The following NFATC2 variants were observed in gnomAD, a reference collection of about 807,000 sequenced individuals.
The protein encoded by NFATC2 is nuclear factor of activated T-cells, cytoplasmic 2.
NFATC2 carries 22 observed loss-of-function variants against 87.3 expected under a neutral mutation model. That is an observed-to-expected ratio of 0.25 (90% confidence interval 0.18 to 0.36). The LOEUF is 0.36. NFATC2 is among the 10% of genes least tolerant of loss of function. The pLI, the probability that NFATC2 is intolerant of heterozygous loss-of-function variation, is 1.00. For missense variants in NFATC2, 1,149 were observed against 1,259.1 expected (o/e 0.91, Z 1.32); for synonymous variants, 565 against 542.2 (o/e 1.04, Z -0.58).
At chr20:51,509,790 T>C (rs2076243192) in intron 3 of NFATC2, among the ~76,000 whole-genome samples, 1 of 152,224 alleles carries the variant, frequency 6.6e-6, no homozygotes, top group African/African-American at 2.4e-5. Flanking sequence ...GCATAAAAGC[T>C]GAAATCCAAC....
intron 3 of NFATC2, among the ~76,000 whole-genome samples, chr20:51,489,105 G>A (rs1056834122): frequency 7.2e-5 from 11 of 152,112 alleles, no homozygotes; most frequent in African/African-American, 2.7e-4. Context: ...CAGGAGAATC[G>A]CTTGAACCCA....
rs559400478 is a variant in NFATC2 at position 51,399,874 on chromosome 20, C to T, written c.2723-1144G>A. On this transcript the variant is annotated intron_variant, in intron 9 of 10. Coordinates refer to ENST00000371564, the MANE Select transcript of NFATC2 (RefSeq NM_012340.5). ...CCTTAAAATACCACCTCTATCCTGACGATGGCCACATTAATGTTTTTAACC... is the reference window on the plus strand; with the variant it reads ...CCTTAAAATACCACCTCTATCCTGATGATGGCCACATTAATGTTTTTAACC... Among the ~76,000 whole-genome samples the T allele has an allele frequency of 7.3e-4, 111 of 152,326 alleles. 1 individual carries two copies. The highest frequency in any genetic ancestry group is 2.4e-3 in the African/African-American group (100 of 41,570).
intron 9 of NFATC2, among the ~76,000 whole-genome samples, chr20:51,424,243 C>T (rs1981417358): frequency 6.6e-6 from 1 of 152,182 alleles, no homozygotes; most frequent in African/African-American, 2.4e-5. Context: ...AAGACTCAAA[C>T]TATCCTTTGC....
intron 8 of NFATC2, among the ~76,000 whole-genome samples, chr20:51,434,361 T>C (rs956043797): frequency 6.6e-6 from 1 of 152,208 alleles, no homozygotes; most frequent in Non-Finnish European, 1.5e-5. Flanking sequence ...TCTCGAATTA[T>C]AGGTTTCCAA....
intron 3 of NFATC2, among the ~76,000 whole-genome samples, chr20:51,493,620 C>G (rs1357026978): frequency 6.6e-6 from 1 of 152,138 alleles, no homozygotes; most frequent in African/African-American, 2.4e-5. Context: ...ATCTGAGGCC[C>G]CTCGAATGCA....
intron 1 of NFATC2, among the ~76,000 whole-genome samples, chr20:51,550,338 C>T (rs988802069): frequency 6.6e-6 from 1 of 152,134 alleles, no homozygotes; most frequent in Non-Finnish European, 1.5e-5. Context: ...AGCCTGTAAT[C>T]CCAGGACTTT....
intron 7 of NFATC2, 38 bp from the exon 8 acceptor site, chr20:51,435,352 A>G: frequency 5.6e-6 from 9 of 1,613,500 alleles, no homozygotes; most frequent in Non-Finnish European, 7.6e-6. Flanking sequence ...AACTGCAATC[A>G]TGTCTCAGTT....
chr20:51,487,403 T>C (rs1409367759), intron 3 of NFATC2, among the ~76,000 whole-genome samples: 1 of 152,192 alleles, frequency 6.6e-6, no homozygotes, highest in Non-Finnish European at 1.5e-5. Context: ...ACCTAGGTGA[T>C]GGGTTGACAG....
At chr20:51,507,678 G>T (rs2076206874) in intron 3 of NFATC2, among the ~76,000 whole-genome samples, 1 of 152,218 alleles carries the variant, frequency 6.6e-6, no homozygotes, top group Non-Finnish European at 1.5e-5. Flanking sequence ...CCCTAGAGCT[G>T]CCTCACTTCG....
At chr20:51,443,112 T>G (rs997530895) in intron 6 of NFATC2, among the ~76,000 whole-genome samples, 2 of 152,182 alleles carry the variant, frequency 1.3e-5, no homozygotes, top group Non-Finnish European at 2.9e-5. Context: ...AAGATGCTTT[T>G]CTTCAGCTCT....
intron 3 of NFATC2, among the ~76,000 whole-genome samples, chr20:51,510,241 G>A (rs1161440728): frequency 6.6e-6 from 1 of 152,192 alleles, no homozygotes; most frequent in Non-Finnish European, 1.5e-5. Flanking sequence ...GGGAATTTCT[G>A]TGCAGAATAT....
At chr20:51,550,927 C>CGTA (rs1171839909) in intron 1 of NFATC2, among the ~76,000 whole-genome samples, 2 of 152,190 alleles carry the variant, frequency 1.3e-5, no homozygotes, top group East Asian at 3.8e-4. Context: ...CTGTATAACA[C>CGTA]ATAAGTCACA....
chr20:51,507,688 G>A (rs887400378), intron 3 of NFATC2, among the ~76,000 whole-genome samples: 6 of 152,306 alleles, frequency 3.9e-5, no homozygotes, highest in Admixed American at 6.5e-5. Context: ...GCCTCACTTC[G>A]AACCACCCGC....
At chr20:51,414,152 A>C (rs1481784769) in intron 9 of NFATC2, among the ~76,000 whole-genome samples, 1 of 148,226 alleles carries the variant, frequency 6.7e-6, no homozygotes, top group African/African-American at 2.5e-5. Flanking sequence ...GACGTCAGCA[A>C]ATGTTGTCAA....
chr20:51,426,465 G>A (rs557457045), intron 9 of NFATC2, among the ~76,000 whole-genome samples: 52 of 143,994 alleles, frequency 3.6e-4, no homozygotes, highest in Admixed American at 8.5e-4. Context: ...GCAACAGAGC[G>A]AGACTTTGTC....
At chr20:51,461,973 G>T (rs907064192) in intron 5 of NFATC2, among the ~76,000 whole-genome samples, 2 of 151,806 alleles carry the variant, frequency 1.3e-5, no homozygotes, top group African/African-American at 2.4e-5. Flanking sequence ...AAAAAAGTTA[G>T]CTGGGCGTGG....
intron 1 of NFATC2, among the ~76,000 whole-genome samples, chr20:51,533,464 C>T (rs779544172): frequency 6.6e-6 from 1 of 152,212 alleles, no homozygotes; most frequent in African/African-American, 2.4e-5. Context: ...ACCCTTCGTT[C>T]GGAGGTGACA....
chr20:51,562,651 C>T, upstream of NFATC2: 1 of 1,548,486 alleles, frequency 6.5e-7, no homozygotes, highest in Non-Finnish European at 8.7e-7. This position sits in a 1 kb window ranked among gnomAD's most constrained non-coding sequence, Gnocchi z 5.8. Flanking sequence ...GGGGACTTGG[C>T]GCGTGTTTGG....
intron 9 of NFATC2, among the ~76,000 whole-genome samples, chr20:51,417,192 C>A (rs1980165945): frequency 6.6e-6 from 1 of 152,106 alleles, no homozygotes; most frequent in South Asian, 2.1e-4. Context: ...CCATCCCTGC[C>A]TTCCACGGCG....
Sources: allele counts gnomAD v4.1 joint callset (sites outside exome capture counted in the v4.1 genomes callset), GRCh38; gene constraint gnomAD v4.1.1; non-coding constraint Gnocchi (gnomAD v3.1); transcripts MANE v1.5; gene names NCBI Gene and HGNC (gene_info 2026-07-23, HGNC 2026-07-21).